The following NAV2 variants were observed in gnomAD, a reference collection of about 807,000 sequenced individuals.
The protein encoded by NAV2 is neuron navigator 2.
In NAV2, 54 loss-of-function variants were observed where a neutral mutation model predicts 223.2. That is an observed-to-expected ratio of 0.24 (90% CI 0.19 to 0.30). The LOEUF is 0.30. Among genes scored for constraint, NAV2 ranks in the 10% least tolerant of loss-of-function variants. The probability of loss-of-function intolerance (pLI) is 1.00; values close to 1 mark genes in which losing one functional copy is unlikely to be tolerated. For missense variants in NAV2, 2,806 were observed against 3,147.5 expected, an observed-to-expected ratio of 0.89 and a Z score of 2.60; for synonymous variants, 1,279 against 1,239.3, an observed-to-expected ratio of 1.03 and a Z score of -0.67.
intron 1 of NAV2, among the ~76,000 whole-genome samples, chr11:19,654,997 CA>C (rs2048078905): frequency 6.6e-6 from 1 of 152,154 alleles, no homozygotes; most frequent in Admixed American, 6.5e-5. Flanking sequence ...ACTCATCTGA[CA>C]AAGGGCTAAT....
At chr11:19,782,677 G>GA (rs760208065) in intron 1 of NAV2, among the ~76,000 whole-genome samples, 280 of 152,264 alleles carry the variant, frequency 1.8e-3, no homozygotes, top group South Asian at 6.8e-3. Context: ...TGGGCTGGGT[G>GA]ACCCAGGTGC....
chr11:19,412,193 G>A (rs931575383), intron 1 of NAV2, among the ~76,000 whole-genome samples: 2 of 152,232 alleles, frequency 1.3e-5, no homozygotes, highest in African/African-American at 4.8e-5. Context: ...CTTGCTGTCA[G>A]CATAGCAGTC....
chr11:19,665,644 T>G (rs1283851670), intron 1 of NAV2, among the ~76,000 whole-genome samples: 1 of 152,184 alleles, frequency 6.6e-6, no homozygotes, highest in Admixed American at 6.5e-5. Flanking sequence ...TATTATACCT[T>G]GATTTCAAAA....
intron 17 of NAV2, 136 bp from the exon 18 acceptor site, chr11:20,053,944 C>A: frequency 1.1e-6 from 1 of 893,864 alleles, no homozygotes. Flanking sequence ...AGTTTCAGGA[C>A]GTGTAGTGAT....
intron 1 of NAV2, among the ~76,000 whole-genome samples, chr11:19,366,014 G>T (rs1295003706): frequency 1.3e-5 from 2 of 152,196 alleles, no homozygotes; most frequent in Non-Finnish European, 2.9e-5. Context: ...AGGAGCCAGA[G>T]AGGAAGGATT....
At chr11:19,754,809 A>G (rs1041246792) in intron 1 of NAV2, among the ~76,000 whole-genome samples, 1 of 152,234 alleles carries the variant, frequency 6.6e-6, no homozygotes, top group African/African-American at 2.4e-5. Context: ...CTTCACTGCA[A>G]GCAACTGAAA....
At chr11:19,838,300 C>T (rs773820314) in intron 2 of NAV2, among the ~76,000 whole-genome samples, 2 of 152,180 alleles carry the variant, frequency 1.3e-5, no homozygotes, top group South Asian at 2.1e-4. Context: ...TGCTCAGACC[C>T]GACCTATGAT....
intron 1 of NAV2, among the ~76,000 whole-genome samples, chr11:19,793,206 CAA>C (rs557365857): frequency 3.4e-5 from 2 of 58,278 alleles, no homozygotes; most frequent in Non-Finnish European, 7.1e-5. Flanking sequence ...CACTCTGTCT[CAA>C]AAAAAAAAAA....
chr11:19,991,648 T>C (rs1359449328), intron 11 of NAV2, among the ~76,000 whole-genome samples: 6 of 152,136 alleles, frequency 3.9e-5, no homozygotes, highest in Admixed American at 2.6e-4. Context: ...AAATATGATG[T>C]GCAAAAAAAG....
At chr11:19,674,671 C>T (rs945804890) in intron 1 of NAV2, among the ~76,000 whole-genome samples, 1 of 152,192 alleles carries the variant, frequency 6.6e-6, no homozygotes, top group African/African-American at 2.4e-5. Flanking sequence ...TTTCCTGAGC[C>T]TCAGGCTTCC....
In NAV2 at chr11:20,011,262, T is replaced by C. The variant is rs563117320; in HGVS notation, c.2769-24697T>C. Among the ~76,000 whole-genome samples, 6 of 152,344 alleles carry C rather than the reference T, an allele frequency of 3.9e-5. No individual in the cohort carries two copies. The South Asian group carries it at 1.2e-3, about 32-fold the overall frequency. ...AAATATTAAATGTGATTTTCTTGTT[T>C]TTTTTTAAGCCTATGTTTAATTTTG... On this transcript the variant is annotated intron_variant, in intron 11 of 37. Coordinates refer to ENST00000349880, the MANE Select transcript of NAV2 (RefSeq NM_145117.5).
intron 1 of NAV2, among the ~76,000 whole-genome samples, chr11:19,398,545 G>C (rs1047899482): frequency 6.6e-6 from 1 of 152,004 alleles, no homozygotes; most frequent in African/African-American, 2.4e-5. Flanking sequence ...TGTGGTATCA[G>C]CCCCGCTTAC....
intron 1 of NAV2, chr11:19,714,316 C>G (rs931358108): frequency 9.6e-6 from 5 of 519,104 alleles, no homozygotes; most frequent in Admixed American, 6.8e-5. Flanking sequence ...AGCCAGTATC[C>G]GCAGCAGCAG....
intron 1 of NAV2, among the ~76,000 whole-genome samples, chr11:19,576,518 T>C (rs1426454636): frequency 1.3e-5 from 2 of 152,212 alleles, no homozygotes; most frequent in African/African-American, 4.8e-5. Flanking sequence ...TTTTGGTATA[T>C]TGAGATAGTT....
chr11:19,603,990 T>C (rs781664347), intron 1 of NAV2, among the ~76,000 whole-genome samples: 15 of 152,090 alleles, frequency 9.9e-5, no homozygotes, highest in Non-Finnish European at 2.2e-4. Flanking sequence ...ATGCTGGGCA[T>C]GTTCAAGGAA....
At chr11:19,448,712 A>G (rs765787581) in intron 1 of NAV2, among the ~76,000 whole-genome samples, 4 of 152,248 alleles carry the variant, frequency 2.6e-5, no homozygotes. Flanking sequence ...ACTTCATATT[A>G]TGAGCATTGA....
intron 34 of NAV2, chr11:20,105,243 C>G (rs2061942179): frequency 3.3e-6 from 1 of 299,034 alleles, no homozygotes; most frequent in African/African-American, 2.2e-5. Flanking sequence ...CATCTTAGCT[C>G]TTCAATTAAC....
At chr11:19,474,382 A>G (rs1162765472) in intron 1 of NAV2, among the ~76,000 whole-genome samples, 1 of 152,252 alleles carries the variant, frequency 6.6e-6, no homozygotes, top group Non-Finnish European at 1.5e-5. Flanking sequence ...GTATTCTCCA[A>G]ATGTTGACTG....
intron 1 of NAV2, among the ~76,000 whole-genome samples, chr11:19,718,067 C>G (rs997853997): frequency 6.6e-6 from 1 of 150,720 alleles, no homozygotes. Context: ...CCACCCTTCC[C>G]AGTGCAGGAA....
Sources: allele counts gnomAD v4.1 joint callset (sites outside exome capture counted in the v4.1 genomes callset), GRCh38; gene constraint gnomAD v4.1.1; transcripts MANE v1.5; gene names NCBI Gene and HGNC (gene_info 2026-07-23, HGNC 2026-07-21).